The following ATP2C2 variants were observed in gnomAD, a reference collection of about 807,000 sequenced individuals.
The protein encoded by ATP2C2 is calcium-transporting ATPase type 2C member 2.
A neutral mutation model predicts 110.8 loss-of-function variants in ATP2C2; 171 were observed. The ratio of observed to expected loss-of-function variants is 1.54; its 90% CI spans 1.36 to 1.75. The LOEUF (loss-of-function observed/expected upper bound fraction) is 1.75, where lower values mean the gene tolerates loss of function less well. Ranked by LOEUF, ATP2C2 falls within the 40% of genes most tolerant of loss-of-function variation. ATP2C2 has a pLI of 0.00. For synonymous variants in ATP2C2, 804 were observed against 508.4 expected (o/e 1.58, Z -7.82); for missense variants, 1,963 against 1,235.0 (o/e 1.59, Z -8.84).
At chr16:84,416,708 G>A (rs989676188) in intron 7 of ATP2C2, among the ~76,000 whole-genome samples, 3 of 152,134 alleles carry the variant, frequency 2.0e-5, no homozygotes, top group African/African-American at 4.8e-5. Flanking sequence ...GTTCGCCCTC[G>A]GGCTCAGGCT....
chr16:84,370,617 G>C (rs1268457963), intron 1 of ATP2C2, among the ~76,000 whole-genome samples: 1 of 151,834 alleles, frequency 6.6e-6, no homozygotes, highest in Non-Finnish European at 1.5e-5. Context: ...TTTCTCCCAG[G>C]GTTTGGAAAG....
chr16:84,378,208 T>TG, intron 1 of ATP2C2, among the ~76,000 whole-genome samples: 1 of 152,320 alleles, frequency 6.6e-6, no homozygotes, highest in Non-Finnish European at 1.5e-5. Flanking sequence ...GGACGCTCCC[T>TG]GTCTTTGCCT....
intron 6 of ATP2C2, among the ~76,000 whole-genome samples, chr16:84,413,363 C>G (rs1384002246): frequency 6.6e-6 from 1 of 152,070 alleles, no homozygotes; most frequent in Non-Finnish European, 1.5e-5. Flanking sequence ...GTGTATAATA[C>G]AAGGCGGAGA....
intron 2 of ATP2C2, among the ~76,000 whole-genome samples, chr16:84,398,980 C>G (rs1905156280): frequency 6.6e-6 from 1 of 152,228 alleles, no homozygotes; most frequent in Non-Finnish European, 1.5e-5. Flanking sequence ...CCAGCTGTTT[C>G]ACATGAAAGC....
chr16:84,459,436 G>T, intron 23 of ATP2C2, 50 bp downstream of exon 23: 1 of 1,604,672 alleles, frequency 6.2e-7, no homozygotes, highest in Non-Finnish European at 8.5e-7. Context: ...CACCTGCGGG[G>T]CTTCCTCCAG....
chr16:84,443,767 C>G (rs1048414288), intron 15 of ATP2C2, among the ~76,000 whole-genome samples: 1 of 152,182 alleles, frequency 6.6e-6, no homozygotes, highest in Non-Finnish European at 1.5e-5. Context: ...AGACTCCAAC[C>G]TCCCACACCA....
rs762753928 is a variant in ATP2C2, at chr16:84,453,370, A to C, written c.1979A>C (p.Lys660Thr). Residue 660 changes from lysine (K) to threonine (T), a missense_variant and splice_region_variant, in exon 20 of 27, where the codon AAG becomes ACG. Transcript: ENST00000262429. Reference protein sequence around the residue: ...TSPKHKLKIIKALQESGAIVA... With the variant: ...TSPKHKLKIITALQESGAIVA... ...CCAAAGCACAAGCTCAAAATCATCA[A>C]GGTTCGCTGGGCAAGGCAGGCACAG... 2 of 1,614,152 alleles carry C rather than the reference A, an allele frequency of 1.2e-6. No homozygotes were observed. Among genetic ancestry groups the C allele is most frequent in the South Asian group, 2.2e-5 (2 of 91,082 alleles).
intron 1 of ATP2C2, among the ~76,000 whole-genome samples, chr16:84,379,396 G>A (rs937813454): frequency 1.4e-4 from 21 of 152,120 alleles, no homozygotes; most frequent in Non-Finnish European, 1.8e-4. Flanking sequence ...GAACTCCTGG[G>A]CTCAAGAGAT....
chr16:84,443,379 G>T (rs921634038), intron 15 of ATP2C2, among the ~76,000 whole-genome samples: 1 of 152,062 alleles, frequency 6.6e-6, no homozygotes, highest in Non-Finnish European at 1.5e-5. Context: ...TCCTTTCCCC[G>T]ACCCGCTCCG....
Position 84,442,579 on chromosome 16 carries a change from T to C in ATP2C2, c.1381T>C (p.Leu461=), listed in dbSNP as rs368669482. ...GATGGGGCAGCCCACCGAGGGTGCA[T>C]TGATGGCCCTGGCGATGAAGGTAGG... The part of the protein sequence containing the change: ...AVMGQPTEGA[L]MALAMKMDLS... Residue 461 remains leucine (L), a synonymous_variant, in exon 15 of 27, where the codon TTG becomes CTG. Coordinates refer to ENST00000262429, the MANE Select transcript of ATP2C2 (RefSeq NM_014861.4). The C allele has an allele frequency of 1.1e-5, 17 of 1,613,976 alleles. No homozygotes were observed. The highest frequency in any genetic ancestry group is 5.5e-5 in the South Asian group (5 of 91,072).
At chr16:84,396,081 G>A (rs1306609736) in intron 1 of ATP2C2, among the ~76,000 whole-genome samples, 1 of 152,056 alleles carries the variant, frequency 6.6e-6, no homozygotes, top group African/African-American at 2.4e-5. Flanking sequence ...GTCCTTTCGG[G>A]TCTGGCTTAT....
rs937731023 is a variant in ATP2C2 at position 84,400,284 on chromosome 16, G to A, written c.210+1675G>A. The stretch of plus-strand genomic sequence containing the variant: ...TTCCTTTCTTTTGGTTATGTATCTA[G>A]GAGTGGGACTGGGGATCATATAATA... On this transcript the variant is annotated intron_variant, in intron 2 of 26. Coordinates refer to ENST00000262429, the MANE Select transcript of ATP2C2 (RefSeq NM_014861.4). 7.9e-5 allele frequency among the ~76,000 whole-genome samples: 12 copies of A among 152,038 alleles called. 1 individual carries two copies. The East Asian group carries it at 2.3e-3, about 29-fold the overall frequency.
intron 1 of ATP2C2, among the ~76,000 whole-genome samples, chr16:84,374,615 T>C (rs184131854): frequency 7.2e-5 from 11 of 152,004 alleles, no homozygotes; most frequent in Non-Finnish European, 1.5e-4. Context: ...GAACTTCCAG[T>C]GTGTTAAATG....
chr16:84,443,711 T>G (rs1909478858), intron 15 of ATP2C2, among the ~76,000 whole-genome samples: 1 of 152,184 alleles, frequency 6.6e-6, no homozygotes, highest in Admixed American at 6.5e-5. Context: ...CAGGGCTCAC[T>G]TCACTGCCTT....
rs1430096209 is a variant in ATP2C2 at position 84,398,489 on chromosome 16, C to G, written c.100-10C>G. 6.3e-7 allele frequency: 1 copy of G among 1,587,674 alleles called. No individual in the cohort carries two copies. Among genetic ancestry groups the G allele is most frequent in the South Asian group, 1.1e-5 (1 of 88,376 alleles). ...CAATCCGCTAAACAGCAACCCTGCT[C>G]TTTTCACAGATTGATGAACAGAGTG... On this transcript the variant is annotated splice_polypyrimidine_tract_variant and intron_variant, in intron 1 of 26. Coordinates refer to ENST00000262429, the MANE Select transcript of ATP2C2 (RefSeq NM_014861.4).
At chr16:84,386,175 A>G (rs1362914260) in intron 1 of ATP2C2, among the ~76,000 whole-genome samples, 1 of 152,152 alleles carries the variant, frequency 6.6e-6, no homozygotes, top group African/African-American at 2.4e-5. Context: ...TACCGGAAGA[A>G]TTATATTTAG....
At chr16:84,461,953 A>G (rs1247688900) in intron 25 of ATP2C2, 35 bp from the exon 26 acceptor site, 3 of 1,609,942 alleles carry the variant, frequency 1.9e-6, no homozygotes, top group Middle Eastern at 1.6e-4. Context: ...GGGTGTGGAC[A>G]GCACACAATC....
At chr16:84,427,394 A>G (rs1267545346) in intron 11 of ATP2C2, among the ~76,000 whole-genome samples, 1 of 152,194 alleles carries the variant, frequency 6.6e-6, no homozygotes, top group Non-Finnish European at 1.5e-5. Context: ...TGCACATGTT[A>G]TATGATTTTA....
rs377511913 is a variant in ATP2C2, at chr16:84,453,124, A to C, written c.1832-14A>C. 5.4e-4 allele frequency: 868 copies of C among 1,598,952 alleles called. 4 individuals are homozygous for C. Among genetic ancestry groups the C allele is most frequent in the Middle Eastern group, 3.6e-3 (22 of 6,038 alleles). On this transcript the variant is annotated splice_polypyrimidine_tract_variant and intron_variant, in intron 18 of 26. Coordinates refer to ENST00000262429, the MANE Select transcript of ATP2C2 (RefSeq NM_014861.4). ...GGGCCTCAGAGCAGGCCCTCAGAAC[A>C]GGTTCTTCTGAAGGAAGAAACATCG...
Sources: gnomAD v4.1 joint callset for allele counts (sites outside exome capture counted in the v4.1 genomes callset) on GRCh38, gnomAD v4.1.1 for gene constraint, MANE v1.5 for transcripts, NCBI Gene and HGNC (gene_info 2026-07-23, HGNC 2026-07-21) for gene names.